Variants in BIRC6 observed in about 807,000 individuals in gnomAD.
BIRC6 encodes the protein dual E2 ubiquitin-conjugating enzyme/E3 ubiquitin-protein ligase BIRC6.
A neutral mutation model predicts 503.3 loss-of-function variants in BIRC6; 98 were observed. That is an observed-to-expected ratio of 0.19 (90% confidence interval 0.17 to 0.23). BIRC6 has a LOEUF of 0.23. Ranked by LOEUF, BIRC6 falls within the 10% of genes least tolerant of loss-of-function variation. BIRC6 has a pLI of 1.00. For synonymous variants in BIRC6, 2,240 were observed against 2,078.7 expected (o/e 1.08, Z -2.11); for missense variants, 5,360 against 5,806.0 (o/e 0.92, Z 2.50).
intron 39 of BIRC6, among the ~76,000 whole-genome samples, chr2:32,483,784 A>T (rs1157307151): frequency 2.0e-5 from 3 of 152,160 alleles, no homozygotes; most frequent in African/African-American, 7.2e-5. Flanking sequence ...GCATCTTCGA[A>T]GGAATATTCC....
At chr2:32,565,315 A>G (rs1391221294) in intron 65 of BIRC6, 1 of 152,206 alleles carries the variant, frequency 6.6e-6, no homozygotes, top group African/African-American at 2.4e-5. Flanking sequence ...TCTAGTTTTT[A>G]TAAAATTCAA....
chr2:32,474,010 C>G (rs1434289048), intron 33 of BIRC6, among the ~76,000 whole-genome samples: 1 of 151,908 alleles, frequency 6.6e-6, no homozygotes, highest in South Asian at 2.1e-4. Flanking sequence ...TCTACTTTGG[C>G]CTCCCAAAGT....
intron 5 of BIRC6, among the ~76,000 whole-genome samples, chr2:32,394,310 C>T (rs557507210): frequency 1.1e-4 from 17 of 151,722 alleles, no homozygotes; most frequent in East Asian, 5.8e-4. Context: ...GCATCTATAA[C>T]GTAAATGTTC....
intron 10 of BIRC6, among the ~76,000 whole-genome samples, chr2:32,426,961 G>T (rs2043572665): frequency 6.6e-6 from 1 of 152,094 alleles, no homozygotes; most frequent in Non-Finnish European, 1.5e-5. Flanking sequence ...ATTGCCTCTG[G>T]TCTCCATTGT....
intron 43 of BIRC6, 72 bp downstream of exon 43, chr2:32,490,223 A>C: frequency 7.6e-7 from 1 of 1,317,814 alleles, no homozygotes; most frequent in South Asian, 1.2e-5. Context: ...TTCTTAAAAC[A>C]GAGTTTTCCA....
chr2:32,546,912 C>A (rs1434934632), intron 63 of BIRC6, among the ~76,000 whole-genome samples: 2 of 152,116 alleles, frequency 1.3e-5, no homozygotes, highest in African/African-American at 4.8e-5. Context: ...AACTCTATCT[C>A]TATTAAAATT....
At chr2:32,526,177 A>C (rs2056253837) in intron 59 of BIRC6, among the ~76,000 whole-genome samples, 1 of 152,188 alleles carries the variant, frequency 6.6e-6, no homozygotes, top group Non-Finnish European at 1.5e-5. Context: ...GTTACAGTCT[A>C]AACACAGGCA....
rs745777599 is a variant in BIRC6 at position 32,388,938 on chromosome 2, A to G, written c.834A>G (p.Val278=). The part of the protein sequence containing the change: ...PELGVGPGRS[V]DRSLMYSEAN... ...TCGGAGTGGGGCCAGGCCGTTCTGT[A>G]GACAGGTATGAACCTTGCTAACAAA... Residue 278 remains valine, a synonymous_variant, in exon 4 of 74, where the codon GTA becomes GTG. Transcript: ENST00000421745. 5.1e-6 allele frequency: 8 copies of G among 1,578,868 alleles called. No individual in the cohort carries two copies. Among genetic ancestry groups the G allele is most frequent in the Non-Finnish European group, 6.9e-6 (8 of 1,163,300 alleles).
chr2:32,431,647 C>T (rs899646203), intron 12 of BIRC6, among the ~76,000 whole-genome samples: 1 of 152,100 alleles, frequency 6.6e-6, no homozygotes, highest in East Asian at 1.9e-4. Context: ...TATTCTTATT[C>T]TTAATTTTAG....
intron 8 of BIRC6, among the ~76,000 whole-genome samples, chr2:32,403,042 C>G (rs1276529018): frequency 1.3e-5 from 2 of 152,102 alleles, no homozygotes; most frequent in African/African-American, 4.8e-5. Context: ...TTAAGAAATT[C>G]ACAATCTAGG....
chr2:32,427,076 T>TTA lies in BIRC6; in HGVS notation c.2873-2060_2873-2059dup, dbSNP rs142783354. ...CCCTTTGCCTTTGACTCTCAAGAGC[T>TTA]TATATATATATGTGTTATTTCTTTG... On this transcript the variant is annotated intron_variant, in intron 10 of 73. Transcript: ENST00000421745. Among the ~76,000 whole-genome samples the TTA allele has an allele frequency of 6.1e-4, 93 of 152,030 alleles. 1 individual carries two copies. The highest frequency in any genetic ancestry group is 7.4e-5 in the Non-Finnish European group (5 of 67,994).
chr2:32,397,984 C>T (rs1167341004), intron 6 of BIRC6, among the ~76,000 whole-genome samples: 1 of 151,938 alleles, frequency 6.6e-6, no homozygotes, highest in African/African-American at 2.4e-5. Flanking sequence ...CTCTTAAGAC[C>T]TGGGGCAAGT....
In BIRC6 at chr2:32,618,822, C is replaced by T. The variant is rs1239012444; in HGVS notation, c.*918C>T. The stretch of plus-strand genomic sequence containing the variant: ...TACAGTACATTCTGTACCTGCCATA[C>T]AGGCTCATTTTCATGCAAATTCTTC... On this transcript the variant is annotated 3_prime_UTR_variant, in exon 74 of 74. Coordinates refer to ENST00000421745, the MANE Select transcript of BIRC6 (RefSeq NM_016252.4). 1.3e-5 allele frequency: 2 copies of T among 152,584 alleles called. No individual in the cohort carries two copies. Among genetic ancestry groups the T allele is most frequent in the South Asian group, 2.1e-4 (1 of 4,822 alleles). 9.5% of individuals were successfully genotyped at this position (152,584 alleles called of 1,614,324 possible).
Position 32,414,931 on chromosome 2 carries a change from C to CT in BIRC6, c.1641dup (p.Lys548Ter). Reference sequence around the variant, plus strand: ...GGGGCAAATCCTTGTTTAACAAACTCTAAGAGTGAAAAGACAAAGGAAAAG... The same window carrying CT: ...GGGGCAAATCCTTGTTTAACAAACTCTTAAGAGTGAAAAGACAAAGGAAAAG... On this transcript the variant is annotated frameshift_variant, in exon 10 of 74. Transcript: ENST00000421745. LOFTEE classifies it high-confidence loss of function. The CT allele has an allele frequency of 6.2e-7, 1 of 1,613,894 alleles. No individual in the cohort carries two copies. The highest frequency in any genetic ancestry group is 8.5e-7 in the Non-Finnish European group (1 of 1,179,876).
At chr2:32,423,691 C>A (rs1473413085) in intron 10 of BIRC6, among the ~76,000 whole-genome samples, 1 of 152,078 alleles carries the variant, frequency 6.6e-6, no homozygotes, top group African/African-American at 2.4e-5. Context: ...CAATCCCTGC[C>A]CCTTATCTGT....
chr2:32,367,718 A>G (rs2035167169), intron 1 of BIRC6, among the ~76,000 whole-genome samples: 2 of 152,102 alleles, frequency 1.3e-5, no homozygotes, highest in Non-Finnish European at 2.9e-5. Context: ...CGGGAGGCTG[A>G]GGCAGGAGAA....
chr2:32,549,086 A>G (rs1572947463), intron 64 of BIRC6: 1 of 331,522 alleles, frequency 3.0e-6, no homozygotes, highest in Non-Finnish European at 5.5e-6. Flanking sequence ...TATTGCTTTT[A>G]TATGTCTAGT....
In BIRC6 at chr2:32,528,653, A is replaced by G. The variant is rs537928910; in HGVS notation, c.11921-998A>G. On this transcript the variant is annotated intron_variant, in intron 59 of 73. Coordinates refer to ENST00000421745, the MANE Select transcript of BIRC6 (RefSeq NM_016252.4). ...ATTTTTACTGTTAAGTACTTAATGT[A>G]TGAATAAATGTAAGAAAACAATTGC... is the stretch of plus-strand genomic sequence containing the variant. The G allele has an allele frequency of 1.7e-4, 26 of 152,344 alleles. No homozygotes were observed. The East Asian group carries it at 5.0e-3, about 29-fold the overall frequency. The allele number at this position is 152,344 out of a possible 1,614,324, so 9.4% of individuals were successfully genotyped here.
At chr2:32,444,281 A>G (rs1220724593) in intron 20 of BIRC6, among the ~76,000 whole-genome samples, 2 of 152,156 alleles carry the variant, frequency 1.3e-5, no homozygotes, top group African/African-American at 2.4e-5. Context: ...AGTGTTCCCA[A>G]TGCAGAGAGG....
Sources: allele counts gnomAD v4.1 joint callset (sites outside exome capture counted in the v4.1 genomes callset), GRCh38; gene constraint gnomAD v4.1.1; transcripts MANE v1.5; gene names NCBI Gene and HGNC (gene_info 2026-07-23, HGNC 2026-07-21).